Variants in ZHX3 observed in about 807,000 individuals in gnomAD.
ZHX3 encodes zinc fingers and homeoboxes 3.
ZHX3 carries 20 observed loss-of-function variants against 64.5 expected under a neutral mutation model. The observed-to-expected ratio is 0.31, with a 90% confidence interval of 0.22 to 0.45. ZHX3 has a LOEUF of 0.45. Among genes scored for constraint, ZHX3 ranks in the 20% least tolerant of loss-of-function variants. ZHX3 has a pLI of 1.00. For missense variants in ZHX3, 1,041 were observed against 1,195.8 expected (o/e 0.87, Z 1.91); for synonymous variants, 423 against 461.6 (o/e 0.92, Z 1.07).
chr20:41,263,143 T>C (rs934529348), intron 2 of ZHX3, among the ~76,000 whole-genome samples: 1 of 152,092 alleles, frequency 6.6e-6, no homozygotes, highest in African/African-American at 2.4e-5. Context: ...TTAAAGAGTA[T>C]AAATTCCCAT....
intron 2 of ZHX3, among the ~76,000 whole-genome samples, chr20:41,264,453 G>C (rs1355386803): frequency 6.6e-6 from 1 of 150,564 alleles, no homozygotes; most frequent in Non-Finnish European, 1.5e-5. Flanking sequence ...CAGCTACTTG[G>C]GAGGCTGAGA....
At chr20:41,239,670 C>T (rs2041253921) in intron 2 of ZHX3, 1 of 152,174 alleles carries the variant, frequency 6.6e-6, no homozygotes, top group South Asian at 2.1e-4. Context: ...TACCAGAAGA[C>T]AGAAACAAAC....
At chr20:41,237,016 T>C (rs1251961610) in intron 2 of ZHX3, among the ~76,000 whole-genome samples, 2 of 152,176 alleles carry the variant, frequency 1.3e-5, no homozygotes, top group Non-Finnish European at 2.9e-5. Flanking sequence ...GAAAAAATGC[T>C]CATCATCACT....
chr20:41,280,859 TA>T (rs1159071231), intron 1 of ZHX3, among the ~76,000 whole-genome samples: 1 of 151,310 alleles, frequency 6.6e-6, no homozygotes, highest in Non-Finnish European at 1.5e-5. Flanking sequence ...AGGATAAATC[TA>T]GATGATCCAA....
At chr20:41,206,036 G>A (rs914251899) in intron 2 of ZHX3, among the ~76,000 whole-genome samples, 2 of 152,226 alleles carry the variant, frequency 1.3e-5, no homozygotes, top group African/African-American at 4.8e-5. Flanking sequence ...GGCAAACAGG[G>A]TCTGGAGTGG....
intron 2 of ZHX3, chr20:41,238,823 G>T (rs1291415041): frequency 1.3e-5 from 2 of 151,972 alleles, no homozygotes; most frequent in Admixed American, 1.3e-4. Flanking sequence ...ACAAGGAAAT[G>T]TATCTATTAA....
chr20:41,294,852 C>T (rs994979169), intron 1 of ZHX3, among the ~76,000 whole-genome samples: 14 of 151,950 alleles, frequency 9.2e-5, no homozygotes, highest in African/African-American at 2.7e-4. Flanking sequence ...TGTGCCATCA[C>T]ACCTGGCTAA....
At chr20:41,220,620 T>A (rs1203622410) in intron 2 of ZHX3, among the ~76,000 whole-genome samples, 1 of 152,160 alleles carries the variant, frequency 6.6e-6, no homozygotes, top group African/African-American at 2.4e-5. Flanking sequence ...AGGAGGTGAT[T>A]CTAGGTATAC....
chr20:41,286,203 T>C lies in ZHX3; in HGVS notation c.-244-17120A>G, dbSNP rs377427973. On this transcript the variant is annotated intron_variant, in intron 1 of 3. Coordinates refer to ENST00000683867, the MANE Select transcript of ZHX3 (RefSeq NM_001384317.1). The stretch of plus-strand genomic sequence containing the variant: ...TGGCTACTGTCAAGTTTATGAATTG[T>C]ATCATTGCTGCCTGACTCCTAATCC... Among the ~76,000 whole-genome samples the C allele has an allele frequency of 1.5e-4, 23 of 152,350 alleles. 1 individual carries two copies. In the South Asian group the frequency reaches 4.6e-3, roughly 30 times the overall value.
At chr20:41,286,855 T>G (rs1296279268) in intron 1 of ZHX3, among the ~76,000 whole-genome samples, 1 of 152,174 alleles carries the variant, frequency 6.6e-6, no homozygotes, top group Admixed American at 6.5e-5. Context: ...GTTCTCATGA[T>G]AGTGAGGGAG....
At chr20:41,259,509 T>G (rs2042446283) in intron 2 of ZHX3, among the ~76,000 whole-genome samples, 1 of 152,156 alleles carries the variant, frequency 6.6e-6, no homozygotes, top group South Asian at 2.1e-4. Flanking sequence ...TTATGATGAC[T>G]CCACACTATG....
At chr20:41,311,907 C>T (rs1447670877) in intron 1 of ZHX3, among the ~76,000 whole-genome samples, 4 of 152,200 alleles carry the variant, frequency 2.6e-5, no homozygotes, top group African/African-American at 9.6e-5. Flanking sequence ...AGGCCCTACA[C>T]CTACTGGACT....
intron 2 of ZHX3, among the ~76,000 whole-genome samples, chr20:41,266,470 C>A (rs1471071124): frequency 5.3e-5 from 8 of 152,102 alleles, no homozygotes; most frequent in Admixed American, 3.9e-4. Context: ...TTCCCTCTAT[C>A]CTGACCATAA....
At chr20:41,272,971 C>T (rs1432188377) in intron 1 of ZHX3, among the ~76,000 whole-genome samples, 1 of 152,142 alleles carries the variant, frequency 6.6e-6, no homozygotes, top group Middle Eastern at 3.2e-3. Context: ...ACAGTGGCTT[C>T]AACATTTTAC....
intron 1 of ZHX3, among the ~76,000 whole-genome samples, chr20:41,275,245 G>T (rs1490173123): frequency 6.6e-6 from 1 of 152,156 alleles, no homozygotes; most frequent in East Asian, 1.9e-4. Flanking sequence ...GCACCAAATC[G>T]CAGGAAAAAG....
intron 1 of ZHX3, chr20:41,316,800 C>G (rs1338091704): frequency 1.3e-5 from 2 of 152,314 alleles, no homozygotes; most frequent in Non-Finnish European, 2.9e-5. Context: ...TCACTTCCAA[C>G]AGGCTTCCCT....
rs1370418383 is a variant in ZHX3, at chr20:41,183,511, C to T, written c.*1680G>A. 6.6e-6 allele frequency: 1 copy of T among 152,246 alleles called. No individual in the cohort carries two copies. Among genetic ancestry groups the T allele is most frequent in the Non-Finnish European group, 1.5e-5 (1 of 68,042 alleles). 9.4% of individuals were successfully genotyped at this position (152,246 alleles called of 1,614,324 possible). On this transcript the variant is annotated 3_prime_UTR_variant, in exon 4 of 4. Transcript: ENST00000683867. The surrounding 1 kb of genome is among the most constrained non-coding windows in gnomAD (Gnocchi z 5.3). ...CAGAAGGGGCCACCGCCATGCTTGT[C>T]CTTGGAGCCACATGAGCACGGTGCC...
At chr20:41,298,621 T>C (rs566399840) in intron 1 of ZHX3, among the ~76,000 whole-genome samples, 1 of 152,370 alleles carries the variant, frequency 6.6e-6, no homozygotes, top group Non-Finnish European at 1.5e-5. Context: ...ATAGATGTTT[T>C]AGAACCTACA....
chr20:41,226,872 G>C lies in ZHX3; in HGVS notation c.-150-21806C>G, dbSNP rs2040304589. On this transcript the variant is annotated intron_variant, in intron 2 of 3. Transcript: ENST00000683867. This position sits in a 1 kb window ranked among gnomAD's most constrained non-coding sequence, Gnocchi z 4.4. Reference sequence around the variant, plus strand: ...CAGGTCTGAGCAGAATGAAGCTGCAGGTACTCAGGGTCTAAGCCCCCTGGA... The same window carrying C: ...CAGGTCTGAGCAGAATGAAGCTGCACGTACTCAGGGTCTAAGCCCCCTGGA... Among the ~76,000 whole-genome samples the C allele has an allele frequency of 6.6e-6, 1 of 152,232 alleles. No individual in the cohort carries two copies. The highest frequency in any genetic ancestry group is 6.5e-5 in the Admixed American group (1 of 15,282).
Sources: gnomAD v4.1 joint callset for allele counts (sites outside exome capture counted in the v4.1 genomes callset) on GRCh38, gnomAD v4.1.1 for gene constraint, Gnocchi (gnomAD v3.1) non-coding constraint, MANE v1.5 for transcripts, NCBI Gene and HGNC (gene_info 2026-07-23, HGNC 2026-07-21) for gene names.